The following EPB41L4A variants were observed in gnomAD, a reference collection of about 807,000 sequenced individuals.
EPB41L4A encodes the protein band 4.1-like protein 4A.
Under a neutral mutation model 108.6 loss-of-function variants are expected in EPB41L4A, and 100 were observed. The ratio of observed to expected loss-of-function variants is 0.92; its 90% CI spans 0.78 to 1.09. The LOEUF is 1.09. EPB41L4A is among the 50% of genes least tolerant of loss of function. EPB41L4A has a pLI of 0.00. For missense variants in EPB41L4A, 1,030 were observed against 842.7 expected (o/e 1.22, Z -2.75); for synonymous variants, 319 against 289.0 (o/e 1.10, Z -1.05).
rs1416386567 is a variant in EPB41L4A at position 112,320,248 on chromosome 5, G to A, written c.100-12758C>T. ...ATCCCTTTTTCAGAGACCAGTGAAG[G>A]AAGAAAGCTGTGTGAGAAAAGAGGA... On this transcript the variant is annotated intron_variant, in intron 1 of 22. Transcript: ENST00000261486. Among the ~76,000 whole-genome samples, 3 of 152,118 alleles carry A rather than the reference G, an allele frequency of 2.0e-5. No homozygotes were observed. In the East Asian group the frequency reaches 5.8e-4, roughly 29 times the overall value.
Position 112,276,659 on chromosome 5 carries a change from A to T in EPB41L4A, c.257-1255T>A, listed in dbSNP as rs1047301152. 2.0e-5 allele frequency among the ~76,000 whole-genome samples: 3 copies of T among 152,266 alleles called. No homozygotes were observed. The East Asian group carries it at 5.8e-4, about 29-fold the overall frequency. The stretch of plus-strand genomic sequence containing the variant: ...CTATCTAAACTGATAAAGTAACCCC[A>T]GTCTCGCTATTCTTAACTGAATAAA... On this transcript the variant is annotated intron_variant, in intron 3 of 22. Coordinates refer to ENST00000261486, the MANE Select transcript of EPB41L4A (RefSeq NM_022140.5).
chr5:112,277,487 G>T (rs1398165040), intron 3 of EPB41L4A, among the ~76,000 whole-genome samples: 1 of 152,038 alleles, frequency 6.6e-6, no homozygotes, highest in Non-Finnish European at 1.5e-5. Flanking sequence ...TTACCATTTG[G>T]TTACACTTCA....
chr5:112,289,057 A>G (rs190635716), intron 2 of EPB41L4A, among the ~76,000 whole-genome samples: 107 of 152,306 alleles, frequency 7.0e-4, no homozygotes, highest in African/African-American at 2.4e-3. Context: ...ACATGTCTTT[A>G]AATTAGTCAA....
At chr5:112,159,778 G>T (rs548489135), downstream of EPB41L4A, among the ~76,000 whole-genome samples, 1 of 151,752 alleles carries the variant, frequency 6.6e-6, no homozygotes, top group African/African-American at 2.4e-5. Context: ...AATATACACC[G>T]GATTTTTATG....
chr5:112,296,065 T>C (rs547353961), intron 2 of EPB41L4A, among the ~76,000 whole-genome samples: 1 of 152,336 alleles, frequency 6.6e-6, no homozygotes, highest in South Asian at 2.1e-4. Context: ...AGTGGCTTAA[T>C]AATGACTGGC....
At chr5:112,234,519 T>C (rs967761168) in intron 12 of EPB41L4A, 115 bp downstream of exon 12, 2 of 962,696 alleles carry the variant, frequency 2.1e-6, no homozygotes, top group Middle Eastern at 4.9e-4. Context: ...AATTTTAATA[T>C]TGGAAATTTC....
chr5:112,161,417 G>C (rs970078804), downstream of EPB41L4A: 13 of 452,864 alleles, frequency 2.9e-5, no homozygotes, highest in African/African-American at 2.2e-4. Flanking sequence ...TCCGTTTTTA[G>C]GCTGTAATCG....
intron 1 of EPB41L4A, among the ~76,000 whole-genome samples, chr5:112,324,230 T>C (rs1447945791): frequency 6.6e-6 from 1 of 152,158 alleles, no homozygotes; most frequent in Non-Finnish European, 1.5e-5. Context: ...TTCTAAACTA[T>C]CTCAGTAAAA....
chr5:112,207,260 A>G (rs373454358), intron 13 of EPB41L4A, among the ~76,000 whole-genome samples: 49 of 152,330 alleles, frequency 3.2e-4, no homozygotes, highest in African/African-American at 1.0e-3. Flanking sequence ...TCCTTTTACT[A>G]TATTCAAAAA....
Position 112,164,760 on chromosome 5 carries a change from G to GTT in EPB41L4A, c.*229_*230insAA, listed in dbSNP as rs1015886075. On this transcript the variant is annotated 3_prime_UTR_variant, in exon 23 of 23. Coordinates refer to ENST00000261486, the MANE Select transcript of EPB41L4A (RefSeq NM_022140.5). ...TGAGACAGGAGAATCGCTTAACCCA[G>GTT]TAAGTGGAGGCTGCGGTGAGCTGAC... is the stretch of plus-strand genomic sequence containing the variant. 6 of 320,752 alleles carry GTT rather than the reference G, an allele frequency of 1.9e-5. No homozygotes were observed. The highest frequency in any genetic ancestry group is 3.4e-5 in the Non-Finnish European group (6 of 178,234). 19.9% of individuals were successfully genotyped at this position (320,752 alleles called of 1,614,324 possible).
chr5:112,353,112 C>A (rs578133632), intron 1 of EPB41L4A, among the ~76,000 whole-genome samples: 2 of 152,152 alleles, frequency 1.3e-5, no homozygotes, highest in African/African-American at 2.4e-5. Context: ...ATGTCTGATT[C>A]CTCAGTGGCT....
At chr5:112,231,878 T>C (rs1442799657) in intron 12 of EPB41L4A, among the ~76,000 whole-genome samples, 21 of 147,696 alleles carry the variant, frequency 1.4e-4, no homozygotes, top group Admixed American at 1.4e-3. Context: ...GAGGTCAAGA[T>C]GTAAGGATTG....
intron 1 of EPB41L4A, among the ~76,000 whole-genome samples, chr5:112,345,017 T>C (rs1213381635): frequency 6.6e-6 from 1 of 152,208 alleles, no homozygotes; most frequent in Non-Finnish European, 1.5e-5. Context: ...TATACCAATA[T>C]AATCTTATTT....
Position 112,279,575 on chromosome 5 carries a change from G to T in EPB41L4A, c.256+697C>A, listed in dbSNP as rs547017645. Among the ~76,000 whole-genome samples the T allele has an allele frequency of 3.3e-5, 5 of 152,064 alleles. No individual in the cohort carries two copies. The South Asian group carries it at 1.0e-3, about 32-fold the overall frequency. On this transcript the variant is annotated intron_variant, in intron 3 of 22. Coordinates refer to ENST00000261486, the MANE Select transcript of EPB41L4A (RefSeq NM_022140.5). Reference sequence around the variant, plus strand: ...GAATTGCACACAAAAATGGTTAAAAGGATCCATTTTATATGTTATGTACCT... The same window carrying T: ...GAATTGCACACAAAAATGGTTAAAATGATCCATTTTATATGTTATGTACCT...
At chr5:112,304,494 G>A (rs1176666898) in intron 2 of EPB41L4A, among the ~76,000 whole-genome samples, 3 of 152,190 alleles carry the variant, frequency 2.0e-5, no homozygotes, top group Admixed American at 6.5e-5. Context: ...CAGGCTAAGC[G>A]CTTTCCCTTT....
At chr5:112,232,191 G>T (rs1481030963) in intron 12 of EPB41L4A, among the ~76,000 whole-genome samples, 1 of 151,810 alleles carries the variant, frequency 6.6e-6, no homozygotes, top group East Asian at 1.9e-4. Flanking sequence ...AAAAGGCTGG[G>T]CTGTGCATTA....
intron 1 of EPB41L4A, among the ~76,000 whole-genome samples, chr5:112,328,974 A>G (rs986859364): frequency 6.6e-6 from 1 of 152,216 alleles, no homozygotes; most frequent in Non-Finnish European, 1.5e-5. Flanking sequence ...TGTACAGTGA[A>G]ATAGTGGCAA....
intron 1 of EPB41L4A, among the ~76,000 whole-genome samples, chr5:112,359,604 G>A (rs1157699301): frequency 2.0e-5 from 3 of 151,092 alleles, no homozygotes; most frequent in Non-Finnish European, 4.4e-5. Context: ...GCAGTGGCGC[G>A]ATCTCAGCTC....
chr5:112,256,681 A>G (rs1751119484), intron 9 of EPB41L4A, among the ~76,000 whole-genome samples: 1 of 152,158 alleles, frequency 6.6e-6, no homozygotes, highest in Non-Finnish European at 1.5e-5. Flanking sequence ...GAAAATTCTT[A>G]TGATACAATA....
Sources: gnomAD v4.1 joint callset for allele counts (sites outside exome capture counted in the v4.1 genomes callset) on GRCh38, gnomAD v4.1.1 for gene constraint, MANE v1.5 for transcripts, NCBI Gene and HGNC (gene_info 2026-07-23, HGNC 2026-07-21) for gene names.